ERG: variants seen among roughly 807,000 people sequenced by gnomAD.
ERG encodes ETS transcription factor ERG, also known as transcriptional regulator ERG.
A neutral mutation model predicts 55.3 loss-of-function variants in ERG; 9 were observed. The ratio of observed to expected loss-of-function variants is 0.16; its 90% confidence interval spans 0.10 to 0.28. The LOEUF is 0.28. ERG is among the 10% of genes least tolerant of loss of function. ERG has a pLI of 1.00. For synonymous variants in ERG, 223 were observed against 237.3 expected, an observed-to-expected ratio of 0.94 and a Z score of 0.55; for missense variants, 434 against 631.6, an observed-to-expected ratio of 0.69 and a Z score of 3.35.
intron 1 of ERG, among the ~76,000 whole-genome samples, chr21:38,658,614 A>G (rs1478179232): frequency 6.6e-6 from 1 of 152,246 alleles, no homozygotes; most frequent in African/African-American, 2.4e-5. Flanking sequence ...AAAGTTTCCT[A>G]TTACCCTACT....
intron 1 of ERG, among the ~76,000 whole-genome samples, chr21:38,450,166 TG>T (rs1455648430): frequency 6.7e-6 from 1 of 149,006 alleles, no homozygotes; most frequent in Non-Finnish European, 1.5e-5. Flanking sequence ...CCAAGGTGGG[TG>T]GGTCATGAGT....
At chr21:38,484,695 T>C (rs2059267558) in intron 1 of ERG, among the ~76,000 whole-genome samples, 1 of 152,192 alleles carries the variant, frequency 6.6e-6, no homozygotes, top group Non-Finnish European at 1.5e-5. Flanking sequence ...ATTCAGGAGT[T>C]GCATAATGAT....
rs1987413101 is a variant in ERG, at chr21:38,381,121, T to G, written c.*2282A>C. 1 of 1,064,900 alleles carries G rather than the reference T, an allele frequency of 9.4e-7. No individual in the cohort carries two copies. Among genetic ancestry groups the G allele is most frequent in the Admixed American group, 5.4e-5 (1 of 18,686 alleles). The allele number at this position is 1,064,900 out of a possible 1,614,324, so 66.0% of individuals were successfully genotyped here. On this transcript the variant is annotated 3_prime_UTR_variant, in exon 10 of 10. Coordinates refer to ENST00000288319, the MANE Select transcript of ERG (RefSeq NM_182918.4). Reference sequence around the variant, plus strand: ...GGGGTGTCAGGAGCATTGGTAATCGTGTCCTGCCGACTTCAAAGCCCACTG... The same window carrying G: ...GGGGTGTCAGGAGCATTGGTAATCGGGTCCTGCCGACTTCAAAGCCCACTG...
At chr21:38,619,427 AT>A (rs2060277310) in intron 1 of ERG, among the ~76,000 whole-genome samples, 1 of 150,112 alleles carries the variant, frequency 6.7e-6, no homozygotes, top group Non-Finnish European at 1.5e-5. Flanking sequence ...CTGCTCCCCC[AT>A]TTAATCTCAC....
chr21:38,480,759 A>G (rs1327147375), intron 1 of ERG, among the ~76,000 whole-genome samples: 1 of 152,038 alleles, frequency 6.6e-6, no homozygotes, highest in Non-Finnish European at 1.5e-5. Flanking sequence ...CCTTTGCCTG[A>G]CCATGCCCTA....
chr21:38,410,604 G>A (rs1458690213), intron 3 of ERG, among the ~76,000 whole-genome samples: 3 of 152,170 alleles, frequency 2.0e-5, no homozygotes, highest in Admixed American at 1.3e-4. Flanking sequence ...GAGGAAGGCT[G>A]ACATTTAAAA....
intron 1 of ERG, among the ~76,000 whole-genome samples, chr21:38,472,661 C>T (rs1460949598): frequency 6.6e-6 from 1 of 152,118 alleles, no homozygotes; most frequent in Non-Finnish European, 1.5e-5. Context: ...GAACATGAAG[C>T]CCTGAGAGTC....
At chr21:38,471,123 T>C (rs928661158) in intron 1 of ERG, 1 of 152,176 alleles carries the variant, frequency 6.6e-6, no homozygotes, top group African/African-American at 2.4e-5. Flanking sequence ...AAGACGAAAA[T>C]TGGACTATGG....
At chr21:38,499,680 T>C (rs1269167123), upstream of ERG, among the ~76,000 whole-genome samples, 4 of 150,658 alleles carry the variant, frequency 2.7e-5, no homozygotes, top group Non-Finnish European at 5.9e-5. Context: ...CTCTGATTTA[T>C]CACCTCATGT....
chr21:38,619,774 T>A (rs1408484500), intron 1 of ERG, among the ~76,000 whole-genome samples: 1 of 152,256 alleles, frequency 6.6e-6, no homozygotes, highest in Non-Finnish European at 1.5e-5. Flanking sequence ...AGCATCATTG[T>A]CATCACTTTC....
At chr21:38,429,468 T>C (rs551434551) in intron 2 of ERG, among the ~76,000 whole-genome samples, 1 of 142,778 alleles carries the variant, frequency 7.0e-6, no homozygotes, top group African/African-American at 2.7e-5. Context: ...CATATACACA[T>C]ATGTGTATAT....
At chr21:38,645,719 C>T (rs150587035) in intron 1 of ERG, among the ~76,000 whole-genome samples, 171 of 152,262 alleles carry the variant, frequency 1.1e-3, no homozygotes, top group African/African-American at 4.0e-3. Flanking sequence ...AATTTAAACA[C>T]CACTTAAAAC....
chr21:38,384,030 C>T, intron 9 of ERG, 107 bp from the exon 10 acceptor site: 1 of 1,424,754 alleles, frequency 7.0e-7, no homozygotes, highest in Non-Finnish European at 9.3e-7. Context: ...CGCCCACATT[C>T]CCTTCACCAG....
intron 2 of ERG, among the ~76,000 whole-genome samples, chr21:38,438,356 A>C (rs570900796): frequency 6.6e-6 from 1 of 152,228 alleles, no homozygotes; most frequent in South Asian, 2.1e-4. Flanking sequence ...GTGAGGCAAA[A>C]CTTTTTTGTA....
In ERG at chr21:38,422,862, C is replaced by T. The variant is rs1989607814; in HGVS notation, c.388+548G>A. On this transcript the variant is annotated intron_variant, in intron 3 of 9. Coordinates refer to ENST00000288319, the MANE Select transcript of ERG (RefSeq NM_182918.4). ...ATATGGCTCCCACATGTTTATTTTT[C>T]CAGATAAGAGAATTTTAAAAACAAA... Among the ~76,000 whole-genome samples the T allele has an allele frequency of 2.0e-5, 3 of 152,044 alleles. No homozygotes were observed. In the South Asian group the frequency reaches 6.2e-4, roughly 32 times the overall value.
downstream of ERG, chr21:38,379,939 C>T (rs1235561742): frequency 3.4e-6 from 3 of 872,894 alleles, no homozygotes; most frequent in Non-Finnish European, 4.1e-6. Flanking sequence ...GATCCACCCG[C>T]CTCTGTCCTT....
intron 1 of ERG, among the ~76,000 whole-genome samples, chr21:38,595,768 AAACCCTTCCTGGAGGGCAG>A (rs1173901258): frequency 6.6e-6 from 1 of 152,188 alleles, no homozygotes; most frequent in South Asian, 2.1e-4. Context: ...CCTGGAGGGC[AAACCCTTCCTGGAGGGCAG>A]AACCTCGCTG....
chr21:38,426,774 A>AAAAAAATTAGCCGGGCG (rs1249256901), intron 2 of ERG, among the ~76,000 whole-genome samples: 1 of 151,866 alleles, frequency 6.6e-6, no homozygotes, highest in Non-Finnish European at 1.5e-5. Flanking sequence ...CTACTTAAAA[A>AAAAAAATTAGCCGGGCG]AAAAAATTAG....
At chr21:38,590,691 G>T (rs2060095279) in intron 1 of ERG, among the ~76,000 whole-genome samples, 1 of 151,938 alleles carries the variant, frequency 6.6e-6, no homozygotes, top group Middle Eastern at 3.4e-3. Context: ...ATCCATCCAT[G>T]TATTCATCCA....
Sources: gnomAD v4.1 joint callset for allele counts (sites outside exome capture counted in the v4.1 genomes callset) on GRCh38, gnomAD v4.1.1 for gene constraint, MANE v1.5 for transcripts, NCBI Gene and HGNC (gene_info 2026-07-23, HGNC 2026-07-21) for gene names.